The following WRAP73 variants were observed in gnomAD, a reference collection of about 807,000 sequenced individuals.
WRAP73 encodes the protein WD repeat-containing protein WRAP73.
Under a neutral mutation model 59.6 loss-of-function variants are expected in WRAP73, and 55 were observed. That is an observed-to-expected ratio of 0.92 (90% CI 0.74 to 1.15). The LOEUF (loss-of-function observed/expected upper bound fraction) is 1.15, where lower values mean the gene tolerates loss of function less well. Ranked by LOEUF, WRAP73 falls within the 50% of genes most tolerant of loss-of-function variation. The pLI is 0.00. For synonymous variants in WRAP73, 265 were observed against 258.2 expected (o/e 1.03, Z -0.25); for missense variants, 592 against 608.1 (o/e 0.97, Z 0.28).
rs1557456971 is a variant in WRAP73 at position 3,636,011 on chromosome 1, T to G, written c.536A>C (p.Gln179Pro). 4 of 1,613,954 alleles carry G rather than the reference T, an allele frequency of 2.5e-6. No individual in the cohort carries two copies. The highest frequency in any genetic ancestry group is 3.4e-6 in the Non-Finnish European group (4 of 1,179,966). ...QLLRHFDTDTQDLTGIEWAPN... is the reference protein window; with the variant it reads ...QLLRHFDTDTPDLTGIEWAPN... ...GGCCCACTCAATCCCTGTGAGATCCTGGGTGTCCGTATCAAAATGCTTCCA... is the reference window on the plus strand; with the variant it reads ...GGCCCACTCAATCCCTGTGAGATCCGGGGTGTCCGTATCAAAATGCTTCCA... Residue 179 changes from glutamine (Q) to proline (P), a missense_variant, in exon 6 of 12, where the codon CAG becomes CCG. Gln to Pro is a moderately conservative substitution (Grantham distance 76, BLOSUM62 -1). Transcript: ENST00000270708.
chr1:3,641,203 G>A (rs1472279687), intron 3 of WRAP73, among the ~76,000 whole-genome samples: 1 of 152,192 alleles, frequency 6.6e-6, no homozygotes, highest in Non-Finnish European at 1.5e-5. Context: ...GAGCACTCAG[G>A]AGGGAAGGAA....
chr1:3,638,377 G>C (rs1644607950), intron 4 of WRAP73, among the ~76,000 whole-genome samples: 1 of 152,236 alleles, frequency 6.6e-6, no homozygotes, highest in South Asian at 2.1e-4. Flanking sequence ...CCACAGAAGA[G>C]AGAAAGCTCA....
chr1:3,635,594 G>A, intron 6 of WRAP73: 1 of 492,668 alleles, frequency 2.0e-6, no homozygotes. Flanking sequence ...GCCGAAGCTG[G>A]CAGATCACTT....
intron 11 of WRAP73, 136 bp from the exon 12 acceptor site, chr1:3,631,253 C>T: frequency 6.9e-7 from 1 of 1,448,532 alleles, no homozygotes; most frequent in Non-Finnish European, 9.4e-7. Context: ...AGCCCCAGAG[C>T]TGCCTCAAGT....
rs769935126 is a variant in WRAP73 at position 3,633,441 on chromosome 1, C to T, written c.879G>A (p.Pro293=). 3.0e-5 allele frequency: 49 copies of T among 1,612,280 alleles called. No individual in the cohort carries two copies. The highest frequency in any genetic ancestry group is 6.7e-5 in the East Asian group (3 of 44,882). Residue 293 remains proline, a synonymous_variant, in exon 9 of 12, where the codon CCG becomes CCA. Coordinates refer to ENST00000270708, the MANE Select transcript of WRAP73 (RefSeq NM_017818.4). The part of the protein sequence containing the change: ...QLGLGCLSFP[P]PRAGAGPLPS... ...GGAGAGGGCCGGCCCCGGCCCGGGGCGGCGGGAAGGAGAGGCAGCCCAGTC... is the reference window on the plus strand; with the variant it reads ...GGAGAGGGCCGGCCCCGGCCCGGGGTGGCGGGAAGGAGAGGCAGCCCAGTC...
rs769227257 is a variant in WRAP73 at position 3,636,997 on chromosome 1, G to A, written c.514C>T (p.Arg172Trp). ...IFVCSDWQLLRHFDTDTQDLT... is the reference protein window; with the variant it reads ...IFVCSDWQLLWHFDTDTQDLT... ...TTCCAGTCTGGGGGACGCCTTACCC[G>A]CAGGAGCTGCCAATCACTGCAGACG... The change falls in exon 5 of 12, where the codon CGG (arginine) becomes TGG (tryptophan). Residue 172 changes from arginine to tryptophan, a missense_variant and splice_region_variant. By Grantham distance (101) the Arg-to-Trp change is moderately radical. Coordinates refer to ENST00000270708, the MANE Select transcript of WRAP73 (RefSeq NM_017818.4). The A allele has an allele frequency of 8.7e-6, 14 of 1,613,294 alleles. No individual in the cohort carries two copies. In the Middle Eastern group the frequency reaches 4.9e-4, roughly 57 times the overall value.
In WRAP73 at chr1:3,631,129, C is replaced by G; in HGVS notation, c.1241-12G>C. On this transcript the variant is annotated splice_polypyrimidine_tract_variant and intron_variant, in intron 11 of 11. Transcript: ENST00000270708. ...CACTGCAAAGTCGCCTAGAGAGAGACAGGTGGCCAGAGGATTACAGCAGGG... is the reference window on the plus strand; with the variant it reads ...CACTGCAAAGTCGCCTAGAGAGAGAGAGGTGGCCAGAGGATTACAGCAGGG... The G allele has an allele frequency of 1.9e-6, 3 of 1,613,012 alleles. No homozygotes were observed. Among genetic ancestry groups the G allele is most frequent in the Non-Finnish European group, 2.5e-6 (3 of 1,179,916 alleles).
intron 5 of WRAP73, chr1:3,636,639 C>T (rs552749714): frequency 5.3e-6 from 2 of 377,234 alleles, no homozygotes; most frequent in African/African-American, 2.1e-5. Flanking sequence ...GCCTGGGCAC[C>T]TGGCAGAGCG....
intron 2 of WRAP73, chr1:3,647,115 G>T: frequency 2.2e-6 from 1 of 449,386 alleles, no homozygotes; most frequent in Non-Finnish European, 3.9e-6. Context: ...GTTAAGCTTT[G>T]GACACAGAAG....
At chr1:3,635,393 CA>C in intron 6 of WRAP73, 99 bp from the exon 7 acceptor site, 6 of 1,527,514 alleles carry the variant, frequency 3.9e-6, no homozygotes, top group Non-Finnish European at 5.4e-6. Context: ...GCAGATAGCA[CA>C]AAGCTGGCAG....
Position 3,633,521 on chromosome 1 carries a change from G to A in WRAP73, c.817-18C>T, listed in dbSNP as rs377111509. ...TACACCACCTGAAAGACACAAGGTG[G>A]CCACGCCCGGCTCAGGACAGGGACC... On this transcript the variant is annotated intron_variant, in intron 8 of 11. Transcript: ENST00000270708. 5.1e-6 allele frequency: 8 copies of A among 1,565,454 alleles called. No individual in the cohort carries two copies. In the South Asian group the frequency reaches 9.3e-5, roughly 18 times the overall value.
intron 1 of WRAP73, among the ~76,000 whole-genome samples, chr1:3,647,911 T>G (rs1644706423): frequency 6.6e-6 from 1 of 152,228 alleles, no homozygotes; most frequent in Admixed American, 6.5e-5. Context: ...TTCTGTGAAC[T>G]AATAACCAAA....
chr1:3,632,464 G>A, intron 9 of WRAP73, 126 bp from the exon 10 acceptor site: 1 of 1,488,242 alleles, frequency 6.7e-7, no homozygotes, highest in Non-Finnish European at 9.3e-7. Context: ...GGAGGAAAGT[G>A]CGGCCCAAGG....
Position 3,631,603 on chromosome 1 carries a change from G to A in WRAP73, c.1103C>T (p.Ala368Val), listed in dbSNP as rs567342277. 31 of 1,605,904 alleles carry A rather than the reference G, an allele frequency of 1.9e-5. No homozygotes were observed. Among genetic ancestry groups the A allele is most frequent in the African/African-American group, 5.3e-5 (4 of 74,934 alleles). ...CACTGGGGACAGCTGCTCGAGCACC[G>A]CGAACAGCCTCAGCTTCTGAATGTC... ...VWDIQKLRLF[A>V]VLEQLSPVRA... Residue 368 changes from alanine (A) to valine (V), a missense_variant, in exon 11 of 12, where the codon GCG (alanine) becomes GTG (valine). Physicochemically the swap from Ala to Val is moderately conservative, Grantham distance 64 (BLOSUM62 0). Coordinates refer to ENST00000270708, the MANE Select transcript of WRAP73 (RefSeq NM_017818.4).
At chr1:3,641,294 C>G (rs993075783) in intron 3 of WRAP73, among the ~76,000 whole-genome samples, 4 of 152,164 alleles carry the variant, frequency 2.6e-5, no homozygotes, top group African/African-American at 9.7e-5. Flanking sequence ...ACTCAGCATG[C>G]TCAGGGTGAG....
chr1:3,632,419 TC>T (rs1485305206), intron 9 of WRAP73, 81 bp from the exon 10 acceptor site: 31 of 1,606,408 alleles, frequency 1.9e-5, no homozygotes, highest in Non-Finnish European at 2.5e-5. Context: ...TGTGCCTGCA[TC>T]GGGCATCGCG....
rs752465412 is a variant in WRAP73 at position 3,647,396 on chromosome 1, G to A, written c.222+12C>T. On this transcript the variant is annotated intron_variant, in intron 2 of 11. Transcript: ENST00000270708. ...AAGGTGTCCAGATTCTAAGCGACAC[G>A]GCAGCACACACCTGCACCAGCCCTC... The A allele has an allele frequency of 7.5e-6, 12 of 1,609,008 alleles. No homozygotes were observed. The highest frequency in any genetic ancestry group is 5.5e-5 in the South Asian group (5 of 90,502).
At chr1:3,649,807 G>A (rs1644723954) in intron 1 of WRAP73, 124 bp downstream of exon 1, 1 of 1,058,864 alleles carries the variant, frequency 9.4e-7, no homozygotes, top group Non-Finnish European at 1.3e-6. Context: ...CCCCGCACCT[G>A]TCCGGGCACC....
At position 3,631,137 on chromosome 1, in the gene WRAP73, C is replaced by T; in HGVS notation, c.1241-20G>A. 1 of 1,612,814 alleles carries T rather than the reference C, an allele frequency of 6.2e-7. No individual in the cohort carries two copies. Among genetic ancestry groups the T allele is most frequent in the African/African-American group, 1.3e-5 (1 of 75,048 alleles). ...AGTCGCCTAGAGAGAGACAGGTGGC[C>T]AGAGGATTACAGCAGGGGAGGCCCA... On this transcript the variant is annotated intron_variant, in intron 11 of 11. Transcript: ENST00000270708.
Sources: gnomAD v4.1 joint callset for allele counts (sites outside exome capture counted in the v4.1 genomes callset) on GRCh38, gnomAD v4.1.1 for gene constraint, MANE v1.5 for transcripts, NCBI Gene and HGNC (gene_info 2026-07-23, HGNC 2026-07-21) for gene names.